The following CPNE4 variants were observed in gnomAD, a reference collection of about 807,000 sequenced individuals.
CPNE4 encodes the protein copine-4.
Under a neutral mutation model 67.9 loss-of-function variants are expected in CPNE4, and 25 were observed. The ratio of observed to expected loss-of-function variants is 0.37; its 90% CI spans 0.27 to 0.51. The LOEUF is 0.51. CPNE4 is among the 20% of genes least tolerant of loss of function. The pLI, the probability that CPNE4 is intolerant of heterozygous loss-of-function variation, is 0.93. For missense variants in CPNE4, 464 were observed against 690.8 expected, an observed-to-expected ratio of 0.67 and a Z score of 3.68; for synonymous variants, 242 against 244.9, an observed-to-expected ratio of 0.99 and a Z score of 0.11.
intron 2 of CPNE4, among the ~76,000 whole-genome samples, chr3:131,768,166 C>G (rs565232330): frequency 6.6e-6 from 1 of 152,028 alleles, no homozygotes; most frequent in African/African-American, 2.4e-5. Context: ...AGCTGGTTTT[C>G]GGGAACATTT....
intron 13 of CPNE4, among the ~76,000 whole-genome samples, chr3:131,550,573 C>G (rs1936117586): frequency 6.6e-6 from 1 of 152,116 alleles, no homozygotes; most frequent in African/African-American, 2.4e-5. Context: ...CTAGTAGATA[C>G]TACCCGTGCC....
At chr3:131,801,170 T>C (rs770282859) in intron 2 of CPNE4, among the ~76,000 whole-genome samples, 19 of 151,780 alleles carry the variant, frequency 1.3e-4, no homozygotes, top group Non-Finnish European at 1.9e-4. Flanking sequence ...AGAAATAAAC[T>C]GCTTCTATTA....
At chr3:131,871,707 G>A (rs1251861306) in intron 2 of CPNE4, among the ~76,000 whole-genome samples, 1 of 152,146 alleles carries the variant, frequency 6.6e-6, no homozygotes, top group East Asian at 1.9e-4. Flanking sequence ...TAAGGATGTG[G>A]TAAGTTCAGA....
upstream of CPNE4, among the ~76,000 whole-genome samples, chr3:132,039,106 A>G (rs1171847611): frequency 6.6e-6 from 1 of 152,222 alleles, no homozygotes; most frequent in Non-Finnish European, 1.5e-5. Flanking sequence ...AACATCTTGG[A>G]TAGTTCAGAT....
intron 1 of CPNE4, among the ~76,000 whole-genome samples, chr3:131,948,892 C>T (rs559736781): frequency 1.3e-5 from 2 of 152,224 alleles, no homozygotes; most frequent in Non-Finnish European, 2.9e-5. Flanking sequence ...ATAGGCCATT[C>T]TAAAGACACT....
At chr3:131,605,040 A>G (rs1478235049) in intron 7 of CPNE4, among the ~76,000 whole-genome samples, 2 of 152,154 alleles carry the variant, frequency 1.3e-5, no homozygotes, top group African/African-American at 4.8e-5. Flanking sequence ...TAATCCTACC[A>G]GTGTTGGTAA....
chr3:132,006,770 A>G (rs1056347079), intron 1 of CPNE4, among the ~76,000 whole-genome samples: 1 of 152,092 alleles, frequency 6.6e-6, no homozygotes, highest in Non-Finnish European at 1.5e-5. Context: ...CAAGGTCACA[A>G]TGGGGCATGA....
chr3:131,723,847 T>C (rs1239870307), intron 2 of CPNE4, among the ~76,000 whole-genome samples: 2 of 152,144 alleles, frequency 1.3e-5, no homozygotes, highest in African/African-American at 2.4e-5. Context: ...AACTTGAAGA[T>C]TTAGAGCTCA....
At chr3:131,846,361 A>T (rs1459601610) in intron 2 of CPNE4, among the ~76,000 whole-genome samples, 1 of 152,154 alleles carries the variant, frequency 6.6e-6, no homozygotes, top group African/African-American at 2.4e-5. Flanking sequence ...AACACTCTTG[A>T]GGGAATGAAT....
At chr3:132,031,223 T>C (rs969258798) in intron 1 of CPNE4, among the ~76,000 whole-genome samples, 1 of 152,250 alleles carries the variant, frequency 6.6e-6, no homozygotes, top group African/African-American at 2.4e-5. Context: ...TTATTTTGAA[T>C]GCATTTAAAT....
intron 7 of CPNE4, among the ~76,000 whole-genome samples, chr3:131,596,621 C>CAAAAAAAAAAAAAAAA (rs58456346): frequency 9.1e-5 from 3 of 32,956 alleles, no homozygotes; most frequent in Non-Finnish European, 1.1e-4. Flanking sequence ...GACTCCGTCT[C>CAAAAAAAAAAAAAAAA]AAAAAAAAAA....
intron 2 of CPNE4, among the ~76,000 whole-genome samples, chr3:131,872,074 C>A (rs939705099): frequency 3.9e-5 from 6 of 152,084 alleles, no homozygotes; most frequent in Non-Finnish European, 7.4e-5. Flanking sequence ...TTTGTAACTG[C>A]CTCAAACAAC....
At chr3:131,582,209 T>C (rs557481537) in intron 8 of CPNE4, among the ~76,000 whole-genome samples, 2 of 152,160 alleles carry the variant, frequency 1.3e-5, no homozygotes, top group South Asian at 2.1e-4. Flanking sequence ...TAAATTAACA[T>C]AGAACTTCAT....
At chr3:131,826,943 G>C (rs929801223) in intron 2 of CPNE4, among the ~76,000 whole-genome samples, 5 of 152,110 alleles carry the variant, frequency 3.3e-5, no homozygotes, top group African/African-American at 1.2e-4. Context: ...AGCCTGAGGT[G>C]AGAGGATCAC....
At position 132,034,998 on chromosome 3, in the gene CPNE4, G is replaced by C; in HGVS notation, c.-433C>G. ...GGGAGATGGCAGCTTCTCACAGAGA[G>C]ATTTCCACCTTCTGACGAATCCCAT... On this transcript the variant is annotated 5_prime_UTR_variant, in exon 1 of 16. The change creates a new upstream start codon in the 5' untranslated region. Coordinates refer to ENST00000429747, the MANE Select transcript of CPNE4 (RefSeq NM_130808.3). The C allele has an allele frequency of 1.0e-6, 1 of 985,194 alleles. No homozygotes were observed. Among genetic ancestry groups the C allele is most frequent in the Non-Finnish European group, 1.2e-6 (1 of 830,034 alleles). The allele number at this position is 985,194 out of a possible 1,614,324, so 61.0% of individuals were successfully genotyped here.
At chr3:131,798,190 C>A (rs1171655647) in intron 2 of CPNE4, among the ~76,000 whole-genome samples, 2 of 152,124 alleles carry the variant, frequency 1.3e-5, no homozygotes, top group African/African-American at 4.8e-5. Context: ...GGAGGGGGAA[C>A]ACATTCAGTC....
At chr3:131,556,551 C>A (rs1341336913) in intron 11 of CPNE4, among the ~76,000 whole-genome samples, 2 of 152,038 alleles carry the variant, frequency 1.3e-5, no homozygotes, top group African/African-American at 4.8e-5. Flanking sequence ...GTATTAAAAT[C>A]TTTATATCTC....
At chr3:131,839,311 T>C (rs1301952515) in intron 2 of CPNE4, among the ~76,000 whole-genome samples, 2 of 151,942 alleles carry the variant, frequency 1.3e-5, no homozygotes, top group East Asian at 3.8e-4. Context: ...AATGGACTTT[T>C]CAAGGTAATC....
chr3:131,928,883 C>T (rs1390688720), intron 1 of CPNE4, among the ~76,000 whole-genome samples: 3 of 152,182 alleles, frequency 2.0e-5, no homozygotes, highest in East Asian at 1.9e-4. Context: ...GCTGCTTCTG[C>T]ATTGAAGCCT....
Sources: gnomAD v4.1 joint callset for allele counts (sites outside exome capture counted in the v4.1 genomes callset) on GRCh38, gnomAD v4.1.1 for gene constraint, MANE v1.5 for transcripts, NCBI Gene and HGNC (gene_info 2026-07-23, HGNC 2026-07-21) for gene names.